AUTS2: variants seen among roughly 807,000 people sequenced by gnomAD.
The protein encoded by AUTS2 is autism susceptibility gene 2 protein.
Under a neutral mutation model 112.4 loss-of-function variants are expected in AUTS2, and 17 were observed. The observed-to-expected ratio is 0.15, with a 90% CI of 0.10 to 0.23. The LOEUF is 0.23. Among genes scored for constraint, AUTS2 ranks in the 10% least tolerant of loss-of-function variants. The probability of loss-of-function intolerance (pLI) is 1.00; values close to 1 mark genes in which losing one functional copy is unlikely to be tolerated. For synonymous variants in AUTS2, 751 were observed against 702.7 expected, an observed-to-expected ratio of 1.07 and a Z score of -1.09; for missense variants, 1,510 against 1,701.6, an observed-to-expected ratio of 0.89 and a Z score of 1.98.
At chr7:70,780,764 C>T (rs931254662) in intron 14 of AUTS2, among the ~76,000 whole-genome samples, 13 of 152,124 alleles carry the variant, frequency 8.5e-5, no homozygotes, top group Non-Finnish European at 1.8e-4. Context: ...CTTTGTTTTT[C>T]TTTGTTATTG....
At chr7:70,238,959 G>A (rs1812466865) in intron 4 of AUTS2, among the ~76,000 whole-genome samples, 1 of 152,096 alleles carries the variant, frequency 6.6e-6, no homozygotes, top group African/African-American at 2.4e-5. Flanking sequence ...TTTGCTTTGA[G>A]CAATAGAGCT....
chr7:70,392,522 A>G (rs559316901), intron 4 of AUTS2, among the ~76,000 whole-genome samples: 1 of 152,288 alleles, frequency 6.6e-6, no homozygotes, highest in Non-Finnish European at 1.5e-5. Flanking sequence ...TCAACATAGT[A>G]TTTTCCAAAC....
chr7:70,605,401 T>C (rs1046269827), intron 5 of AUTS2, among the ~76,000 whole-genome samples: 19 of 152,176 alleles, frequency 1.2e-4, no homozygotes, highest in African/African-American at 4.3e-4. Flanking sequence ...GGAATTGATA[T>C]CTTCCATGGA....
intron 4 of AUTS2, among the ~76,000 whole-genome samples, chr7:70,268,718 A>G (rs1226045479): frequency 2.0e-5 from 3 of 152,196 alleles, no homozygotes; most frequent in African/African-American, 7.2e-5. Context: ...AGCATAAGAA[A>G]TTATCTTTGG....
At chr7:70,365,006 G>A (rs1422554080) in intron 4 of AUTS2, among the ~76,000 whole-genome samples, 1 of 152,192 alleles carries the variant, frequency 6.6e-6, no homozygotes, top group Non-Finnish European at 1.5e-5. Context: ...CAGTAGCTCA[G>A]TTTAGACATC....
At chr7:69,750,495 AG>A (rs1787692707) in intron 1 of AUTS2, among the ~76,000 whole-genome samples, 1 of 150,482 alleles carries the variant, frequency 6.6e-6, no homozygotes, top group African/African-American at 2.4e-5. Flanking sequence ...TAGTAGTAGT[AG>A]TAGTAGCAGT....
chr7:70,204,968 T>C (rs1243009465), intron 4 of AUTS2, among the ~76,000 whole-genome samples: 1 of 152,200 alleles, frequency 6.6e-6, no homozygotes, highest in African/African-American at 2.4e-5. Context: ...TATTTGAGTT[T>C]GGTGACTGTG....
chr7:70,631,497 G>A lies in AUTS2; in HGVS notation c.691-67072G>A, dbSNP rs147554480. 1.5e-4 allele frequency among the ~76,000 whole-genome samples: 23 copies of A among 152,294 alleles called. No homozygotes were observed. The highest frequency in any genetic ancestry group is 1.2e-3 in the East Asian group (6 of 5,158). ...CGAGACTCTCCATGATTTCTGAACC[G>A]TGGGGGACGGGGTGGTCGCAACCTA... On this transcript the variant is annotated intron_variant, in intron 5 of 18. Transcript: ENST00000342771. This position sits in a 1 kb window ranked among gnomAD's most constrained non-coding sequence, Gnocchi z 4.5.
At chr7:69,611,570 A>G (rs1793033515) in intron 1 of AUTS2, among the ~76,000 whole-genome samples, 1 of 152,260 alleles carries the variant, frequency 6.6e-6, no homozygotes. Flanking sequence ...TTTTACATAT[A>G]TCTGAAAGCA....
chr7:70,391,863 C>A (rs1793877299), intron 4 of AUTS2, among the ~76,000 whole-genome samples: 1 of 151,970 alleles, frequency 6.6e-6, no homozygotes, highest in African/African-American at 2.4e-5. Context: ...GTTTGTTGGA[C>A]CCCAGAGCTT....
chr7:70,163,360 A>AGGGGGGGGGGGGG (rs1562753323), intron 4 of AUTS2, among the ~76,000 whole-genome samples: 2 of 2,460 alleles, frequency 8.1e-4, no homozygotes, highest in Non-Finnish European at 1.1e-3. Context: ...GGGGGGGGGC[A>AGGGGGGGGGGGGG]GAGGGGGAGG....
chr7:69,971,169 C>A lies in AUTS2; in HGVS notation c.522+71671C>A, dbSNP rs888726460. Among the ~76,000 whole-genome samples, 4 of 152,070 alleles carry A rather than the reference C, an allele frequency of 2.6e-5. No individual in the cohort carries two copies. The South Asian group carries it at 8.3e-4, about 32-fold the overall frequency. On this transcript the variant is annotated intron_variant, in intron 2 of 18. Coordinates refer to ENST00000342771, the MANE Select transcript of AUTS2 (RefSeq NM_015570.4). ...CTTTAGCTTGGGCGACAGAGCAAGA[C>A]CCTGTCTCAAAAAACCATTTTTCCC... is the stretch of plus-strand genomic sequence containing the variant.
intron 2 of AUTS2, among the ~76,000 whole-genome samples, chr7:70,076,734 C>G (rs1330978429): frequency 4.6e-5 from 7 of 152,280 alleles, no homozygotes; most frequent in African/African-American, 1.7e-4. Flanking sequence ...AGGATAGCAG[C>G]TGAAATCTTT....
At chr7:70,541,115 AG>A (rs1395255447) in intron 5 of AUTS2, among the ~76,000 whole-genome samples, 2 of 152,196 alleles carry the variant, frequency 1.3e-5, no homozygotes, top group Non-Finnish European at 2.9e-5. Flanking sequence ...ATTTGAAAGC[AG>A]GTACTTATTC....
intron 6 of AUTS2, among the ~76,000 whole-genome samples, chr7:70,734,172 G>T (rs536983737): frequency 1.3e-5 from 2 of 151,830 alleles, no homozygotes; most frequent in South Asian, 4.2e-4. Flanking sequence ...GGGTGTGGTG[G>T]CTCACGCCTG....
chr7:70,222,435 A>G (rs1177761467), intron 4 of AUTS2, among the ~76,000 whole-genome samples: 1 of 152,228 alleles, frequency 6.6e-6, no homozygotes, highest in Non-Finnish European at 1.5e-5. Context: ...TTGTAAAAGA[A>G]GGAAGAAAAC....
chr7:69,615,930 A>G (rs1275469192), intron 1 of AUTS2, among the ~76,000 whole-genome samples: 1 of 152,248 alleles, frequency 6.6e-6, no homozygotes, highest in Non-Finnish European at 1.5e-5. Context: ...ATTAGATTAC[A>G]GTGTTAGAGG....
At chr7:69,706,076 C>T (rs1335393574) in intron 1 of AUTS2, among the ~76,000 whole-genome samples, 1 of 152,168 alleles carries the variant, frequency 6.6e-6, no homozygotes, top group Non-Finnish European at 1.5e-5. Context: ...TCTACCCAAC[C>T]CATCCCCTCT....
chr7:70,320,751 C>G (rs1790215852), intron 4 of AUTS2, among the ~76,000 whole-genome samples: 1 of 152,270 alleles, frequency 6.6e-6, no homozygotes, highest in South Asian at 2.1e-4. Flanking sequence ...TAGGTAGGCT[C>G]CAGGTTCCCC....
Sources: allele counts gnomAD v4.1 joint callset (sites outside exome capture counted in the v4.1 genomes callset), GRCh38; gene constraint gnomAD v4.1.1; non-coding constraint Gnocchi (gnomAD v3.1); transcripts MANE v1.5; gene names NCBI Gene and HGNC (gene_info 2026-07-23, HGNC 2026-07-21).